Variants in ALK observed in about 807,000 individuals in gnomAD.
The protein encoded by ALK is ALK tyrosine kinase receptor.
ALK carries 74 observed loss-of-function variants against 163.1 expected under a neutral mutation model. That is an observed-to-expected ratio of 0.45 (90% CI 0.38 to 0.55). The LOEUF (loss-of-function observed/expected upper bound fraction) is 0.55. Among genes scored for constraint, ALK ranks in the 20% least tolerant of loss-of-function variants. The pLI is 0.00. For synonymous variants in ALK, 960 were observed against 843.2 expected (o/e 1.14, Z -2.40); for missense variants, 2,063 against 2,105.3 (o/e 0.98, Z 0.39).
At chr2:29,807,422 G>T (rs1043707375) in intron 1 of ALK, among the ~76,000 whole-genome samples, 1 of 152,224 alleles carries the variant, frequency 6.6e-6, no homozygotes, top group Non-Finnish European at 1.5e-5. Flanking sequence ...GGGTGAGGAG[G>T]TGTCCTTCTG....
In ALK at chr2:29,288,956, AAATAAATAAATAAAT is replaced by A. The variant is rs1262531090; in HGVS notation, c.1817+7917_1817+7931del. On this transcript the variant is annotated intron_variant, in intron 9 of 28. Transcript: ENST00000389048. ...GACAGAGGGAGACTCCTTCTCAAAA[AAATAAATAAATAAAT>A]AAATAAATAAATAAATAAATAAATA... Among the ~76,000 whole-genome samples, 74 of 20,904 alleles carry A rather than the reference AAATAAATAAATAAAT, an allele frequency of 3.5e-3. 8 individuals carry two copies. Among genetic ancestry groups the A allele is most frequent in the African/African-American group, 5.5e-3 (72 of 13,104 alleles). 13.7% of individuals were successfully genotyped at this position (20,904 alleles called of 152,430 possible).
intron 28 of ALK, among the ~76,000 whole-genome samples, chr2:29,194,357 G>A (rs1668970775): frequency 6.6e-6 from 1 of 152,062 alleles, no homozygotes; most frequent in Admixed American, 6.6e-5. Context: ...GGGGGAGGAG[G>A]AGAGGAGACA....
chr2:29,691,201 T>A (rs2148286374), intron 3 of ALK, among the ~76,000 whole-genome samples: 1 of 152,300 alleles, frequency 6.6e-6, no homozygotes, highest in South Asian at 2.1e-4. Flanking sequence ...TCCAAACACC[T>A]CTCAGTGCCA....
chr2:29,612,412 G>C (rs1182302932), intron 3 of ALK, among the ~76,000 whole-genome samples: 2 of 152,164 alleles, frequency 1.3e-5, no homozygotes, highest in Non-Finnish European at 2.9e-5. Context: ...CATCCCTGGA[G>C]TTATTTCTAC....
At chr2:29,235,856 CTTTTTTTTTTTTTTTT>C (rs569363324) in intron 13 of ALK, among the ~76,000 whole-genome samples, 1,381 of 38,412 alleles carry the variant, frequency 0.036, 40 homozygotes, top group Non-Finnish European at 0.052. Flanking sequence ...CCAGGCTCGA[CTTTTTTTTTTTTTTTT>C]TTTTTTTTTT....
intron 1 of ALK, among the ~76,000 whole-genome samples, chr2:29,889,155 A>G (rs1667067860): frequency 6.6e-6 from 1 of 152,182 alleles, no homozygotes; most frequent in Admixed American, 6.6e-5. Flanking sequence ...CTGTCTTTTT[A>G]CTTAGTTGCA....
At chr2:29,562,635 G>GA (rs1052466990) in intron 3 of ALK, among the ~76,000 whole-genome samples, 1 of 151,932 alleles carries the variant, frequency 6.6e-6, no homozygotes, top group African/African-American at 2.4e-5. Context: ...GAAGAAGGGG[G>GA]AAAAAAAATC....
chr2:29,722,340 C>A (rs1679445664), intron 1 of ALK, among the ~76,000 whole-genome samples: 1 of 152,142 alleles, frequency 6.6e-6, no homozygotes, highest in Non-Finnish European at 1.5e-5. Context: ...CTTTGCTGAC[C>A]AATGAAGATA....
chr2:29,891,212 C>A (rs1033864549), intron 1 of ALK, among the ~76,000 whole-genome samples: 12 of 152,158 alleles, frequency 7.9e-5, no homozygotes, highest in African/African-American at 2.9e-4. Flanking sequence ...TGTAACATCA[C>A]AGTATTAGAA....
chr2:29,609,799 A>C (rs1253013400), intron 3 of ALK, among the ~76,000 whole-genome samples: 1 of 152,108 alleles, frequency 6.6e-6, no homozygotes, highest in African/African-American at 2.4e-5. Context: ...ACAAGCCACC[A>C]CACTTGGCTA....
chr2:29,767,701 G>A (rs1680901464), intron 1 of ALK, among the ~76,000 whole-genome samples: 1 of 152,148 alleles, frequency 6.6e-6, no homozygotes, highest in African/African-American at 2.4e-5. Context: ...GACCCCAGCT[G>A]GACATGTTCT....
chr2:29,646,507 G>A (rs968546686), intron 3 of ALK, among the ~76,000 whole-genome samples: 6 of 152,100 alleles, frequency 3.9e-5, no homozygotes, highest in African/African-American at 1.4e-4. Context: ...ATTTCTCTAA[G>A]AGTATAAGCC....
intron 8 of ALK, among the ~76,000 whole-genome samples, chr2:29,307,445 G>T (rs1558662916): frequency 6.6e-6 from 1 of 152,280 alleles, no homozygotes; most frequent in East Asian, 1.9e-4. Context: ...CATGGTGGGG[G>T]TACTCCCTGG....
intron 4 of ALK, among the ~76,000 whole-genome samples, chr2:29,411,922 C>G (rs891299697): frequency 6.6e-6 from 1 of 152,212 alleles, no homozygotes; most frequent in Non-Finnish European, 1.5e-5. Flanking sequence ...TGAGATGTCA[C>G]TCATACACTC....
At chr2:29,336,415 T>A (rs1468239348) in intron 5 of ALK, among the ~76,000 whole-genome samples, 1 of 152,256 alleles carries the variant, frequency 6.6e-6, no homozygotes, top group Non-Finnish European at 1.5e-5. Context: ...TGGGATTTCC[T>A]GTCTCAGTCA....
At chr2:29,481,324 T>C (rs759805401) in intron 4 of ALK, among the ~76,000 whole-genome samples, 11 of 152,236 alleles carry the variant, frequency 7.2e-5, no homozygotes, top group Non-Finnish European at 1.0e-4. Flanking sequence ...GCAACTCCCC[T>C]GTAAACAAAT....
chr2:29,531,854 G>T, intron 4 of ALK, 61 bp downstream of exon 4: 1 of 1,552,880 alleles, frequency 6.4e-7, no homozygotes, highest in Non-Finnish European at 8.9e-7. Flanking sequence ...CTCTGGAAAT[G>T]TGTAACCAAA....
chr2:29,863,375 A>G (rs1666344477), intron 1 of ALK, among the ~76,000 whole-genome samples: 1 of 152,218 alleles, frequency 6.6e-6, no homozygotes, highest in Non-Finnish European at 1.5e-5. Flanking sequence ...CCATACATGT[A>G]TAAAGTGGTT....
At chr2:29,909,476 C>CAGAGAGAGAGAG (rs1313074824) in intron 1 of ALK, among the ~76,000 whole-genome samples, 1 of 96,708 alleles carries the variant, frequency 1.0e-5, no homozygotes, top group African/African-American at 3.8e-5. Flanking sequence ...GAGAGACAGA[C>CAGAGAGAGAGAG]AGACAGAGAG....
Sources: gnomAD v4.1 joint callset for allele counts (sites outside exome capture counted in the v4.1 genomes callset) on GRCh38, gnomAD v4.1.1 for gene constraint, MANE v1.5 for transcripts, NCBI Gene and HGNC (gene_info 2026-07-23, HGNC 2026-07-21) for gene names.